CCKBR: variants seen among roughly 807,000 people sequenced by gnomAD.
CCKBR encodes the protein cholecystokinin B receptor.
In CCKBR, 33 loss-of-function variants were observed where a neutral mutation model predicts 34.6. The observed-to-expected ratio is 0.95, with a 90% confidence interval of 0.72 to 1.27. The LOEUF (loss-of-function observed/expected upper bound fraction) is 1.27. CCKBR is among the 50% of genes most tolerant of loss of function. The probability of loss-of-function intolerance (pLI) is 0.00; values close to 1 mark genes in which losing one functional copy is unlikely to be tolerated. For missense variants in CCKBR, 652 were observed against 617.4 expected (o/e 1.06, Z -0.59); for synonymous variants, 269 against 267.5 (o/e 1.01, Z -0.06).
In CCKBR at chr11:6,259,993, G is replaced by A. The variant is rs1297076580; in HGVS notation, c.65G>A (p.Cys22Tyr). 5 of 1,584,830 alleles carry A rather than the reference G, an allele frequency of 3.2e-6. No homozygotes were observed. The highest frequency in any genetic ancestry group is 4.3e-6 in the Non-Finnish European group (5 of 1,167,662). ...GGACCCGGGCCGGGGGCTTCCCTGTGCCGCCCGGGGGCGCCTCTCCTCAAC... is the reference window on the plus strand; with the variant it reads ...GGACCCGGGCCGGGGGCTTCCCTGTACCGCCCGGGGGCGCCTCTCCTCAAC... Reference protein sequence around the residue: ...GTGPGPGASLCRPGAPLLNSS... With the variant: ...GTGPGPGASLYRPGAPLLNSS... Residue 22 changes from cysteine to tyrosine, a missense_variant, in exon 1 of 5, where the codon TGC becomes TAC. Physicochemically the swap from Cys to Tyr is radical, Grantham distance 194. Transcript: ENST00000334619.
chr11:6,262,904 G>A (rs971145863), intron 1 of CCKBR, among the ~76,000 whole-genome samples: 1 of 152,108 alleles, frequency 6.6e-6, no homozygotes, highest in African/African-American at 2.4e-5. Context: ...ATAAGAAAGG[G>A]GATAGTCAAT....
chr11:6,267,882 T>G (rs1281616745), intron 1 of CCKBR, among the ~76,000 whole-genome samples: 8 of 152,206 alleles, frequency 5.3e-5, no homozygotes, highest in Non-Finnish European at 1.0e-4. Context: ...TCTCACTCTG[T>G]TGTGCAGGCT....
rs1201340149 is a variant in CCKBR, at chr11:6,271,053, CG to C, written c.856del (p.Val286LeufsTer21). 6.2e-7 allele frequency: 1 copy of C among 1,614,040 alleles called. No homozygotes were observed. The highest frequency in any genetic ancestry group is 2.2e-5 in the East Asian group (1 of 44,872). On this transcript the variant is annotated frameshift_variant, in exon 5 of 5. Transcript: ENST00000334619. LOFTEE classifies it high-confidence loss of function. The part of the protein sequence containing the change: ...QNGRCRPETG[A>X]VGEDSDGCYV... ...GGGCGTTGCCGGCCTGAGACTGGCG[CG>C]GTTGGCGAAGACAGCGATGGCTGCT... is the stretch of plus-strand genomic sequence containing the variant.
At chr11:6,270,971 G>A in intron 4 of CCKBR, 40 bp from the exon 5 acceptor site, 4 of 1,613,016 alleles carry the variant, frequency 2.5e-6, no homozygotes, top group South Asian at 1.1e-5. Context: ...AGACTGGGGG[G>A]ACTCGCCTTT....
At chr11:6,265,819 C>T (rs898164522) in intron 1 of CCKBR, among the ~76,000 whole-genome samples, 13 of 152,300 alleles carry the variant, frequency 8.5e-5, no homozygotes, top group African/African-American at 3.1e-4. Context: ...ATCATAACCT[C>T]TCACTGACCC....
In CCKBR at chr11:6,271,083, T is replaced by G. The variant is rs751163301; in HGVS notation, c.884T>G (p.Val295Gly). 6 of 1,614,054 alleles carry G rather than the reference T, an allele frequency of 3.7e-6. No homozygotes were observed. The African/African-American group carries it at 6.7e-5, about 18-fold the overall frequency. The change falls in exon 5 of 5, where the codon GTG (valine) becomes GGG (glycine). Residue 295 changes from valine to glycine, a missense_variant. Transcript: ENST00000334619. ...GGCGAAGACAGCGATGGCTGCTACG[T>G]GCAACTTCCACGTTCCCGGCCTGCC... ...AVGEDSDGCY[V>G]QLPRSRPALE... is the part of the protein sequence containing the mutation.
Position 6,259,895 on chromosome 11 carries a change from CG to C in CCKBR, c.-33del. 7.1e-7 allele frequency: 1 copy of C among 1,401,112 alleles called. No individual in the cohort carries two copies. Among genetic ancestry groups the C allele is most frequent in the Non-Finnish European group, 9.3e-7 (1 of 1,080,112 alleles). 86.8% of individuals were successfully genotyped at this position (1,401,112 alleles called of 1,614,324 possible). A position where few individuals can be genotyped will look rare whatever the true frequency, so the allele number is the denominator to read the frequency against. ...GAGCCGCGTTGGGAGCCCGCCGGGTCGAGCTGAGTAAGGCGGCGGGCTCGGC... is the reference window on the plus strand; with the variant it reads ...GAGCCGCGTTGGGAGCCCGCCGGGTCAGCTGAGTAAGGCGGCGGGCTCGGC... On this transcript the variant is annotated 5_prime_UTR_variant, in exon 1 of 5. Transcript: ENST00000334619.
Position 6,270,737 on chromosome 11 carries a change from C to A in CCKBR, c.745C>A (p.Leu249Ile). 6.2e-7 allele frequency: 1 copy of A among 1,614,212 alleles called. No homozygotes were observed. The highest frequency in any genetic ancestry group is 1.1e-5 in the South Asian group (1 of 91,080). ...TATCTCTCGCGAGCTCTACTTAGGG[C>A]TTCGCTTTGACGGCGACAGTGACAG... Reference protein sequence around the residue: ...GLISRELYLGLRFDGDSDSDS... With the variant: ...GLISRELYLGIRFDGDSDSDS... Residue 249 changes from leucine to isoleucine, a missense_variant, in exon 4 of 5, where the codon CTT becomes ATT. Physicochemically the swap from Leu to Ile is conservative, Grantham distance 5. Transcript: ENST00000334619.
Position 6,259,853 on chromosome 11 carries a change from C to A in CCKBR, c.-76C>A. ...GGGCGGCGGGAGCCTGAGCCGGAAT[C>A]GCAGCGTGAGCAGGTGGAGCCGCGT... On this transcript the variant is annotated 5_prime_UTR_variant, in exon 1 of 5. Coordinates refer to ENST00000334619, the MANE Select transcript of CCKBR (RefSeq NM_176875.4). 7.3e-6 allele frequency: 9 copies of A among 1,238,030 alleles called. No homozygotes were observed. Among genetic ancestry groups the A allele is most frequent in the Non-Finnish European group, 8.5e-6 (8 of 944,154 alleles). The allele number at this position is 1,238,030 out of a possible 1,614,324, so 76.7% of individuals were successfully genotyped here.
At position 6,271,312 on chromosome 11, in the gene CCKBR, T is replaced by C; in HGVS notation, c.1113T>C (p.Pro371=). The stretch of plus-strand genomic sequence containing the variant: ...CACACCGAGCACTCTCGGGTGCTCC[T>C]ATCTCCTTCATTCACTTGCTGAGCT... The part of the protein sequence containing the change: ...PGAHRALSGA[P]ISFIHLLSYA... The change falls in exon 5 of 5, where the codon CCT becomes CCC. Residue 371 remains proline (P), a synonymous_variant. Transcript: ENST00000334619. 1 of 1,614,226 alleles carries C rather than the reference T, an allele frequency of 6.2e-7. No individual in the cohort carries two copies. Among genetic ancestry groups the C allele is most frequent in the Non-Finnish European group, 8.5e-7 (1 of 1,180,034 alleles).
intron 1 of CCKBR, among the ~76,000 whole-genome samples, chr11:6,267,284 T>C (rs575901457): frequency 6.6e-6 from 1 of 152,336 alleles, no homozygotes; most frequent in African/African-American, 2.4e-5. Flanking sequence ...AAAAACACAT[T>C]GTATGGCTAT....
At chr11:6,270,875 G>C in intron 4 of CCKBR, 72 bp downstream of exon 4, 1 of 1,612,260 alleles carries the variant, frequency 6.2e-7, no homozygotes, top group South Asian at 1.1e-5. Flanking sequence ...TGCTGGAGTG[G>C]GTGGGACTGA....
chr11:6,269,052 C>A (rs925779935), intron 1 of CCKBR, among the ~76,000 whole-genome samples: 6 of 151,454 alleles, frequency 4.0e-5, no homozygotes, highest in Admixed American at 4.0e-4. Context: ...TGCTTAAATG[C>A]CTGCTGTACA....
In CCKBR at chr11:6,271,556, C is replaced by A; in HGVS notation, c.*13C>A. ...GGGCCCTGGCTGAGGAGTAGAGGGGCCGTGGGGGTTGAGGCAGGGCAAATG... is the reference window on the plus strand; with the variant it reads ...GGGCCCTGGCTGAGGAGTAGAGGGGACGTGGGGGTTGAGGCAGGGCAAATG... On this transcript the variant is annotated 3_prime_UTR_variant, in exon 5 of 5. Coordinates refer to ENST00000334619, the MANE Select transcript of CCKBR (RefSeq NM_176875.4). The A allele has an allele frequency of 6.4e-7, 1 of 1,568,498 alleles. No homozygotes were observed. Among genetic ancestry groups the A allele is most frequent in the Non-Finnish European group, 8.6e-7 (1 of 1,159,038 alleles).
intron 1 of CCKBR, among the ~76,000 whole-genome samples, chr11:6,263,589 A>G (rs918058570): frequency 3.3e-5 from 5 of 150,684 alleles, no homozygotes; most frequent in African/African-American, 4.9e-5. Context: ...TCCCACCTCA[A>G]CCCCCTAAAT....
intron 1 of CCKBR, 120 bp from the exon 2 acceptor site, chr11:6,269,549 C>A (rs1482612380): frequency 8.6e-7 from 1 of 1,158,650 alleles, no homozygotes; most frequent in Non-Finnish European, 1.2e-6. Context: ...CTGAGCAGTT[C>A]ATCGGTGGGG....
chr11:6,260,144 T>G, intron 1 of CCKBR, 65 bp downstream of exon 1: 12 of 1,143,314 alleles, frequency 1.0e-5, no homozygotes, highest in Admixed American at 3.1e-5. Flanking sequence ...ACTAATAGAG[T>G]CCCCCCAACG....
chr11:6,259,995 C>A lies in CCKBR; in HGVS notation c.67C>A (p.Arg23Ser), dbSNP rs1848103710. ...ACCCGGGCCGGGGGCTTCCCTGTGC[C>A]GCCCGGGGGCGCCTCTCCTCAACAG... ...TGPGPGASLC[R>S]PGAPLLNSSS... The change falls in exon 1 of 5, where the codon CGC becomes AGC. Residue 23 changes from arginine to serine, a missense_variant. Coordinates refer to ENST00000334619, the MANE Select transcript of CCKBR (RefSeq NM_176875.4). The A allele has an allele frequency of 6.3e-7, 1 of 1,585,272 alleles. No homozygotes were observed. The highest frequency in any genetic ancestry group is 8.6e-7 in the Non-Finnish European group (1 of 1,167,862).
chr11:6,270,196 CG>C lies in CCKBR; in HGVS notation c.514del (p.Ala172LeufsTer3). On this transcript the variant is annotated frameshift_variant, in exon 3 of 5. Coordinates refer to ENST00000334619, the MANE Select transcript of CCKBR (RefSeq NM_176875.4). LOFTEE classifies it high-confidence loss of function. Reference sequence around the variant, plus strand: ...CGAGTGTGGCAGACGCGCTCCCACGCGGCTCGCGTGATTGTAGCCACGTGGC... The same window carrying C: ...CGAGTGTGGCAGACGCGCTCCCACGCGCTCGCGTGATTGTAGCCACGTGGC... ...QARVWQTRSH[A>X]ARVIVATWLL... 2 of 1,613,584 alleles carry C rather than the reference CG, an allele frequency of 1.2e-6. No individual in the cohort carries two copies. Among genetic ancestry groups the C allele is most frequent in the East Asian group, 4.5e-5 (2 of 44,884 alleles).
Sources: allele counts gnomAD v4.1 joint callset (sites outside exome capture counted in the v4.1 genomes callset), GRCh38; gene constraint gnomAD v4.1.1; transcripts MANE v1.5; gene names NCBI Gene and HGNC (gene_info 2026-07-23, HGNC 2026-07-21).